Variants in KIAA1217 observed in about 807,000 individuals in gnomAD.
KIAA1217 encodes the protein sickle tail protein homolog.
In KIAA1217, 88 loss-of-function variants were observed where a neutral mutation model predicts 163.9. The ratio of observed to expected loss-of-function variants is 0.54; its 90% CI spans 0.45 to 0.64. The LOEUF (loss-of-function observed/expected upper bound fraction) is 0.64. Among genes scored for constraint, KIAA1217 ranks in the 30% least tolerant of loss-of-function variants. The pLI is 0.00. For missense variants in KIAA1217, 2,372 were observed against 2,475.0 expected (o/e 0.96, Z 0.88); for synonymous variants, 903 against 923.1 (o/e 0.98, Z 0.39).
chr10:24,414,858 T>A (rs1378219577), intron 3 of KIAA1217, among the ~76,000 whole-genome samples: 1 of 152,172 alleles, frequency 6.6e-6, no homozygotes, highest in Non-Finnish European at 1.5e-5. Flanking sequence ...AAAGGAAATG[T>A]CTAGGAGGAA....
rs757023637 is a variant in KIAA1217 at position 24,501,434 on chromosome 10, T to C, written c.1890T>C (p.Pro630=). Residue 630 remains proline, a synonymous_variant, in exon 9 of 21, where the codon CCT becomes CCC. Coordinates refer to ENST00000376454, the MANE Select transcript of KIAA1217 (RefSeq NM_019590.5). ...KMLSALESTV[P]PSQPPPVGTS... ...TCAGTGCTCTGGAGTCCACGGTGCCTCCCAGCCAGCCTCCACCTGTGGGCA... is the reference window on the plus strand; with the variant it reads ...TCAGTGCTCTGGAGTCCACGGTGCCCCCCAGCCAGCCTCCACCTGTGGGCA... 7 of 1,614,044 alleles carry C rather than the reference T, an allele frequency of 4.3e-6. No homozygotes were observed. Among genetic ancestry groups the C allele is most frequent in the Non-Finnish European group, 8.5e-7 (1 of 1,179,988 alleles).
chr10:24,140,637 GC>G (rs775576148), intron 2 of KIAA1217, among the ~76,000 whole-genome samples: 36 of 152,116 alleles, frequency 2.4e-4, no homozygotes, highest in Middle Eastern at 6.3e-3. Context: ...ACTCAGAATG[GC>G]ATGCACTTTA....
rs147619620 is a variant in KIAA1217, at chr10:24,517,732, C to T, written c.2178-2391C>T. ...GAGATGGGCTGGGCACAGTGATTCA[C>T]ACCTATAATCCCAGCACTTTGGGAG... is the stretch of plus-strand genomic sequence containing the variant. On this transcript the variant is annotated intron_variant, in intron 10 of 20. Coordinates refer to ENST00000376454, the MANE Select transcript of KIAA1217 (RefSeq NM_019590.5). Among the ~76,000 whole-genome samples, 523 of 152,292 alleles carry T rather than the reference C, an allele frequency of 3.4e-3. 1 individual carries two copies. Among genetic ancestry groups the T allele is most frequent in the African/African-American group, 0.011 (467 of 41,554 alleles).
At chr10:24,509,558 C>T (rs1411897) in intron 9 of KIAA1217, among the ~76,000 whole-genome samples, 45,047 of 151,990 alleles carry the variant, frequency 0.3, 6,977 homozygotes, top group Middle Eastern at 0.39. Context: ...CGTTATATTG[C>T]GATTCATTCA....
chr10:23,847,067 G>A (rs1312483537), intron 1 of KIAA1217, among the ~76,000 whole-genome samples: 2 of 152,118 alleles, frequency 1.3e-5, no homozygotes, highest in Non-Finnish European at 2.9e-5. Context: ...AACCACCCTT[G>A]CCTCCCAGGT....
At chr10:24,002,059 CTGGGA>C (rs1344596051) in intron 1 of KIAA1217, among the ~76,000 whole-genome samples, 2 of 152,120 alleles carry the variant, frequency 1.3e-5, no homozygotes, top group African/African-American at 4.8e-5. Context: ...GTAGATGAGG[CTGGGA>C]AAAGAAACCA....
At chr10:24,209,895 A>G (rs1359138518) in intron 1 of KIAA1217, among the ~76,000 whole-genome samples, 1 of 152,176 alleles carries the variant, frequency 6.6e-6, no homozygotes, top group Admixed American at 6.5e-5. Context: ...AATTGTGTTT[A>G]TAATAGACTT....
At chr10:24,049,579 T>C (rs1849333254) in intron 2 of KIAA1217, among the ~76,000 whole-genome samples, 1 of 152,152 alleles carries the variant, frequency 6.6e-6, no homozygotes. Context: ...GTTCTTGTGA[T>C]AGTTTGCTGA....
intron 1 of KIAA1217, among the ~76,000 whole-genome samples, chr10:23,948,059 C>A (rs1460825614): frequency 6.6e-6 from 1 of 152,110 alleles, no homozygotes; most frequent in South Asian, 2.1e-4. Context: ...ATTATATTAG[C>A]TATTGCCAAT....
chr10:24,294,586 C>T (rs537683664), intron 2 of KIAA1217, among the ~76,000 whole-genome samples: 1 of 152,178 alleles, frequency 6.6e-6, no homozygotes, highest in Non-Finnish European at 1.5e-5. Flanking sequence ...TAAACACCAG[C>T]GTAGTCAGTG....
Position 24,468,278 on chromosome 10 carries a change from A to C in KIAA1217, c.847-4950A>C, listed in dbSNP as rs536183174. Reference sequence around the variant, plus strand: ...TATGGTAGGATTCCCAAGTTGTCTGATCGTAAGGGTTCATTCTAGTTGTGG... The same window carrying C: ...TATGGTAGGATTCCCAAGTTGTCTGCTCGTAAGGGTTCATTCTAGTTGTGG... On this transcript the variant is annotated intron_variant, in intron 5 of 20. Transcript: ENST00000376454. Among the ~76,000 whole-genome samples the C allele has an allele frequency of 2.0e-5, 3 of 152,220 alleles. No individual in the cohort carries two copies. In the South Asian group the frequency reaches 6.2e-4, roughly 32 times the overall value.
At chr10:24,326,711 G>T (rs914770718) in intron 2 of KIAA1217, among the ~76,000 whole-genome samples, 1 of 151,928 alleles carries the variant, frequency 6.6e-6, no homozygotes, top group African/African-American at 2.4e-5. Flanking sequence ...GTCCACAAAA[G>T]GTTTGTGGCA....
At chr10:24,008,970 A>G (rs547305829) in intron 2 of KIAA1217, among the ~76,000 whole-genome samples, 78 of 152,298 alleles carry the variant, frequency 5.1e-4, no homozygotes, top group African/African-American at 1.8e-3. Flanking sequence ...TTAGCGTTGT[A>G]CAAGCAGCAA....
chr10:24,258,741 C>T (rs900664311), intron 2 of KIAA1217, among the ~76,000 whole-genome samples: 6 of 152,196 alleles, frequency 3.9e-5, no homozygotes, highest in South Asian at 4.2e-4. Context: ...TACAGGCGCC[C>T]GCCACCAAGC....
At chr10:24,147,006 TAAAA>T (rs755857019) in intron 2 of KIAA1217, among the ~76,000 whole-genome samples, 20 of 110,722 alleles carry the variant, frequency 1.8e-4, no homozygotes, top group African/African-American at 4.7e-4. Context: ...TTTGTTTTGT[TAAAA>T]AAAAAAAAAA....
At chr10:24,314,401 G>A (rs1378304631) in intron 2 of KIAA1217, among the ~76,000 whole-genome samples, 2 of 152,190 alleles carry the variant, frequency 1.3e-5, no homozygotes, top group African/African-American at 2.4e-5. Context: ...GCACAGTTGT[G>A]TCATCTGTCC....
intron 1 of KIAA1217, among the ~76,000 whole-genome samples, chr10:23,947,267 T>C (rs565257955): frequency 1.3e-5 from 2 of 152,332 alleles, no homozygotes; most frequent in South Asian, 4.1e-4. Context: ...TCATCTCTAA[T>C]AAAATGTATT....
At chr10:24,279,707 T>C (rs190125678) in intron 2 of KIAA1217, among the ~76,000 whole-genome samples, 1 of 152,320 alleles carries the variant, frequency 6.6e-6, no homozygotes, top group Admixed American at 6.5e-5. Flanking sequence ...TAAAAGGTAA[T>C]ACATTCAAAA....
intron 1 of KIAA1217, among the ~76,000 whole-genome samples, chr10:23,945,616 CA>C (rs1313632639): frequency 6.6e-6 from 1 of 152,030 alleles, no homozygotes. Context: ...AATTTTACTT[CA>C]AAAAACTCAT....
Sources: gnomAD v4.1 joint callset for allele counts (sites outside exome capture counted in the v4.1 genomes callset) on GRCh38, gnomAD v4.1.1 for gene constraint, MANE v1.5 for transcripts, NCBI Gene and HGNC (gene_info 2026-07-23, HGNC 2026-07-21) for gene names.